MAST4: variants seen among roughly 807,000 people sequenced by gnomAD.
The protein encoded by MAST4 is microtubule associated serine/threonine kinase family member 4.
MAST4 carries 89 observed loss-of-function variants against 162.7 expected under a neutral mutation model. That is an observed-to-expected ratio of 0.55 (90% CI 0.46 to 0.65). The LOEUF is 0.65. Ranked by LOEUF, MAST4 falls within the 30% of genes least tolerant of loss-of-function variation. The pLI, the probability that MAST4 is intolerant of heterozygous loss-of-function variation, is 0.00. For missense variants in MAST4, 3,153 were observed against 3,374.0 expected, an observed-to-expected ratio of 0.93 and a Z score of 1.62; for synonymous variants, 1,479 against 1,361.1, an observed-to-expected ratio of 1.09 and a Z score of -1.91.
intron 1 of MAST4, among the ~76,000 whole-genome samples, chr5:66,629,905 T>C (rs1023840780): frequency 6.6e-6 from 1 of 152,226 alleles, no homozygotes; most frequent in Non-Finnish European, 1.5e-5. Context: ...TTTGAAACTT[T>C]GAAATATTTG....
At chr5:66,604,752 C>G (rs141773426) in intron 1 of MAST4, among the ~76,000 whole-genome samples, 1 of 152,326 alleles carries the variant, frequency 6.6e-6, no homozygotes, top group East Asian at 1.9e-4. Context: ...AAAATAATCT[C>G]AGACTTCCTT....
intron 2 of MAST4, among the ~76,000 whole-genome samples, chr5:66,776,317 A>G (rs1049294570): frequency 2.6e-5 from 4 of 152,196 alleles, no homozygotes; most frequent in African/African-American, 7.2e-5. Flanking sequence ...GAGTGCATCC[A>G]TCAGAGCATC....
intron 3 of MAST4, among the ~76,000 whole-genome samples, chr5:66,807,985 T>C (rs79630841): frequency 6.6e-6 from 1 of 152,274 alleles, no homozygotes; most frequent in Non-Finnish European, 1.5e-5. Flanking sequence ...TAATGTTTAC[T>C]GTGCCACCCT....
At chr5:67,083,833 ATCTCT>A (rs937230784) in intron 5 of MAST4, among the ~76,000 whole-genome samples, 5 of 152,172 alleles carry the variant, frequency 3.3e-5, no homozygotes, top group Non-Finnish European at 5.9e-5. Flanking sequence ...GGTAAAAGTA[ATCTCT>A]TCTCTGTTGC....
chr5:66,915,308 A>G (rs1462298992), intron 4 of MAST4, among the ~76,000 whole-genome samples: 2 of 148,472 alleles, frequency 1.3e-5, no homozygotes, highest in Non-Finnish European at 3.0e-5. Flanking sequence ...ATGAGAGCTG[A>G]TTGTTTGCTG....
intron 4 of MAST4, among the ~76,000 whole-genome samples, chr5:66,944,645 C>G (rs1278430014): frequency 6.6e-6 from 1 of 151,938 alleles, no homozygotes; most frequent in African/African-American, 2.4e-5. Flanking sequence ...AGACTTATAC[C>G]TAGGTTCTGT....
intron 3 of MAST4, among the ~76,000 whole-genome samples, chr5:66,876,006 A>G (rs1334187742): frequency 1.3e-5 from 2 of 152,118 alleles, no homozygotes; most frequent in Non-Finnish European, 2.9e-5. Context: ...GGGTCAAGCA[A>G]TCCTCCTGCC....
At chr5:66,740,522 A>C (rs1322379971) in intron 1 of MAST4, among the ~76,000 whole-genome samples, 1 of 152,216 alleles carries the variant, frequency 6.6e-6, no homozygotes, top group African/African-American at 2.4e-5. Flanking sequence ...CTTGGCTCAC[A>C]GAAGGCCTGC....
intron 4 of MAST4, among the ~76,000 whole-genome samples, chr5:67,026,783 GA>G (rs796351578): frequency 6.6e-5 from 10 of 152,178 alleles, no homozygotes; most frequent in African/African-American, 2.4e-4. Flanking sequence ...TAAAAAGATG[GA>G]AAAAACAATT....
chr5:66,763,179 A>C (rs1206228154), intron 2 of MAST4, among the ~76,000 whole-genome samples: 1 of 152,192 alleles, frequency 6.6e-6, no homozygotes, highest in Non-Finnish European at 1.5e-5. Flanking sequence ...TCATGCTCAC[A>C]ACTGCTACAC....
rs377384942 is a variant in MAST4, at chr5:67,089,635, A to G, written c.764-527A>G. On this transcript the variant is annotated intron_variant, in intron 5 of 28. Coordinates refer to ENST00000403625, the MANE Select transcript of MAST4 (RefSeq NM_001164664.2). Reference sequence around the variant, plus strand: ...TGCTGTGGTCTTCCCAGTGTTTTACAACTAGTTCTGACACATCCACCTTTA... The same window carrying G: ...TGCTGTGGTCTTCCCAGTGTTTTACGACTAGTTCTGACACATCCACCTTTA... Among the ~76,000 whole-genome samples, 7 of 152,356 alleles carry G rather than the reference A, an allele frequency of 4.6e-5. No homozygotes were observed. In the South Asian group the frequency reaches 6.2e-4, roughly 14 times the overall value.
rs773551602 is a variant in MAST4, at chr5:67,142,169, G to A, written c.2549G>A (p.Ser850Asn). 3 of 1,613,970 alleles carry A rather than the reference G, an allele frequency of 1.9e-6. No homozygotes were observed. Among genetic ancestry groups the A allele is most frequent in the Non-Finnish European group, 2.5e-6 (3 of 1,179,842 alleles). The change falls in exon 20 of 29, where the codon AGT (serine) becomes AAT (asparagine). Residue 850 changes from serine to asparagine, a missense_variant. Ser to Asn is a conservative substitution (Grantham distance 46). Transcript: ENST00000403625. ...TTCTTCCGTTCTTTAGACTGGAACA[G>A]TTTGCTGAGACAGAAGGCAGAATTT... ...HRFFRSLDWN[S>N]LLRQKAEFIP...
At chr5:66,859,209 C>T (rs1759907796) in intron 3 of MAST4, among the ~76,000 whole-genome samples, 1 of 152,116 alleles carries the variant, frequency 6.6e-6, no homozygotes, top group African/African-American at 2.4e-5. Flanking sequence ...TTTTGTTGTG[C>T]AGCATGAGAA....
At chr5:66,911,387 T>C (rs1763747997) in intron 4 of MAST4, among the ~76,000 whole-genome samples, 1 of 152,088 alleles carries the variant, frequency 6.6e-6, no homozygotes, top group South Asian at 2.1e-4. Flanking sequence ...ATTTAAAACT[T>C]TTTTTAGATT....
At position 66,772,733 on chromosome 5, in the gene MAST4, C is replaced by T. The variant is rs1392744773; in HGVS notation, c.517+12871C>T. On this transcript the variant is annotated intron_variant, in intron 2 of 28. Transcript: ENST00000403625. Reference sequence around the variant, plus strand: ...AGGACGTGAACTGGAGATCTGAGGCCCAGATTCTAGTCCCAAGTCAACTTC... The same window carrying T: ...AGGACGTGAACTGGAGATCTGAGGCTCAGATTCTAGTCCCAAGTCAACTTC... Among the ~76,000 whole-genome samples the T allele has an allele frequency of 2.0e-5, 3 of 152,088 alleles. No homozygotes were observed. In the East Asian group the frequency reaches 5.8e-4, roughly 29 times the overall value.
intron 4 of MAST4, among the ~76,000 whole-genome samples, chr5:66,907,212 G>T (rs1232179377): frequency 7.8e-6 from 1 of 127,868 alleles, no homozygotes; most frequent in African/African-American, 3.0e-5. Context: ...AGAGAGTCCT[G>T]CTAGGAGGTT....
At chr5:67,075,924 G>A (rs934294922) in intron 5 of MAST4, among the ~76,000 whole-genome samples, 1 of 152,014 alleles carries the variant, frequency 6.6e-6, no homozygotes, top group Non-Finnish European at 1.5e-5. Flanking sequence ...TGGTAAAACA[G>A]AGCCAGGAAT....
rs1554084489 is a variant in MAST4 at position 67,033,315 on chromosome 5, C to CTCTGTGTG, written c.675-21088_675-21087insCTGTGTGT. On this transcript the variant is annotated intron_variant, in intron 4 of 28. Coordinates refer to ENST00000403625, the MANE Select transcript of MAST4 (RefSeq NM_001164664.2). ...ATTACTTTTTTGGGTTTTCATTTCT[C>CTCTGTGTG]TGTGTGTGTGTGTGTGTGTGTGTGT... Among the ~76,000 whole-genome samples the CTCTGTGTG allele has an allele frequency of 3.2e-3, 402 of 125,982 alleles. 7 individuals are homozygous for CTCTGTGTG. Among genetic ancestry groups the CTCTGTGTG allele is most frequent in the African/African-American group, 0.012 (372 of 32,276 alleles). 82.6% of individuals were successfully genotyped at this position (125,982 alleles called of 152,430 possible). A position where few individuals can be genotyped will look rare whatever the true frequency, so the allele number is the denominator to read the frequency against.
intron 1 of MAST4, among the ~76,000 whole-genome samples, chr5:66,687,445 T>C (rs1474465553): frequency 6.6e-6 from 1 of 152,006 alleles, no homozygotes; most frequent in Non-Finnish European, 1.5e-5. Flanking sequence ...TATTCCACGG[T>C]ATACACGTAT....
Sources: gnomAD v4.1 joint callset for allele counts (sites outside exome capture counted in the v4.1 genomes callset) on GRCh38, gnomAD v4.1.1 for gene constraint, MANE v1.5 for transcripts, NCBI Gene and HGNC (gene_info 2026-07-23, HGNC 2026-07-21) for gene names.